Variants in TTC28 observed in about 807,000 individuals in gnomAD.
The protein encoded by TTC28 is tetratricopeptide repeat protein 28.
TTC28 carries 61 observed loss-of-function variants against 198.0 expected under a neutral mutation model. That is an observed-to-expected ratio of 0.31 (90% CI 0.25 to 0.38). TTC28 has a LOEUF of 0.38. Ranked by LOEUF, TTC28 falls within the 10% of genes least tolerant of loss-of-function variation. The probability of loss-of-function intolerance (pLI) is 1.00; values close to 1 mark genes in which losing one functional copy is unlikely to be tolerated. For missense variants in TTC28, 2,678 were observed against 3,164.0 expected (o/e 0.85, Z 3.69); for synonymous variants, 1,171 against 1,297.8 (o/e 0.90, Z 2.10).
chr22:28,587,900 G>A (rs944295547), intron 2 of TTC28, among the ~76,000 whole-genome samples: 3 of 151,978 alleles, frequency 2.0e-5, no homozygotes, highest in Non-Finnish European at 4.4e-5. Flanking sequence ...CTAGCACTTT[G>A]GGAGACCAAG....
intron 2 of TTC28, among the ~76,000 whole-genome samples, chr22:28,610,614 GA>G (rs1394071427): frequency 6.6e-6 from 1 of 152,132 alleles, no homozygotes; most frequent in African/African-American, 2.4e-5. Context: ...AAGATGGGGA[GA>G]AACCAGCACA....
At chr22:28,539,622 T>G in intron 2 of TTC28, among the ~76,000 whole-genome samples, 1 of 146,954 alleles carries the variant, frequency 6.8e-6, no homozygotes, top group Non-Finnish European at 1.5e-5. Context: ...GGCAACAGAG[T>G]GAGACACTGT....
At chr22:28,057,140 A>G (rs1269023862) in intron 12 of TTC28, among the ~76,000 whole-genome samples, 1 of 152,168 alleles carries the variant, frequency 6.6e-6, no homozygotes, top group Non-Finnish European at 1.5e-5. Context: ...ATTTTCATTT[A>G]TCTTGGGTAA....
At chr22:28,014,222 GC>G in intron 14 of TTC28, 25 bp downstream of exon 14, 1 of 1,542,362 alleles carries the variant, frequency 6.5e-7, no homozygotes. Context: ...ATGCGGAGGA[GC>G]CTTGTGCCCC....
chr22:28,585,827 T>C (rs2050306513), intron 2 of TTC28, among the ~76,000 whole-genome samples: 1 of 151,930 alleles, frequency 6.6e-6, no homozygotes, highest in South Asian at 2.1e-4. Flanking sequence ...AAAGAATCTG[T>C]AGAAAGATGG....
chr22:28,537,544 A>C (rs925181871), intron 2 of TTC28, among the ~76,000 whole-genome samples: 1 of 152,034 alleles, frequency 6.6e-6, no homozygotes, highest in Non-Finnish European at 1.5e-5. Flanking sequence ...AAACATTTTT[A>C]AATCTTGGAG....
At chr22:28,240,614 C>T (rs1929593572) in intron 5 of TTC28, among the ~76,000 whole-genome samples, 1 of 152,138 alleles carries the variant, frequency 6.6e-6, no homozygotes, top group African/African-American at 2.4e-5. Flanking sequence ...ATTGATACCT[C>T]ATTAGAAATT....
In TTC28 at chr22:28,108,232, C is replaced by T. The variant is rs1370140102; in HGVS notation, c.1613G>A (p.Arg538Gln). Residue 538 changes from arginine to glutamine, a missense_variant, in exon 7 of 23, where the codon CGG becomes CAG. Coordinates refer to ENST00000397906, the MANE Select transcript of TTC28 (RefSeq NM_001145418.2). ...TTCCATGGAGATCTGCAGCTCCTGC[C>T]GATGGTATTTGACCGCCTGGTCGTA... ...GMYDQAVKYH[R>Q]QELQISMEVN... 4.5e-6 allele frequency: 7 copies of T among 1,551,104 alleles called. No individual in the cohort carries two copies. In the East Asian group the frequency reaches 9.8e-5, roughly 22 times the overall value.
intron 2 of TTC28, among the ~76,000 whole-genome samples, chr22:28,368,463 G>C (rs2046281723): frequency 6.6e-6 from 1 of 152,022 alleles, no homozygotes; most frequent in Non-Finnish European, 1.5e-5. Flanking sequence ...AAAACTGAAA[G>C]CCTTTCCTCT....
intron 2 of TTC28, among the ~76,000 whole-genome samples, chr22:28,529,762 C>A (rs560175562): frequency 3.4e-4 from 52 of 152,330 alleles, no homozygotes; most frequent in Non-Finnish European, 1.9e-4. Context: ...TGCTGTTCTG[C>A]AGCCTCTCCT....
chr22:28,133,303 C>A (rs1459493754), intron 6 of TTC28, among the ~76,000 whole-genome samples: 2 of 152,184 alleles, frequency 1.3e-5, no homozygotes, highest in African/African-American at 4.8e-5. Flanking sequence ...GTGAGCAACA[C>A]AGAAGATGGG....
intron 2 of TTC28, among the ~76,000 whole-genome samples, chr22:28,392,965 C>T (rs911008483): frequency 1.3e-5 from 2 of 148,356 alleles, no homozygotes; most frequent in Non-Finnish European, 3.0e-5. Flanking sequence ...CAACCTCGAC[C>T]TCCTGGGCTT....
At chr22:27,995,337 C>T (rs1937533339) in intron 17 of TTC28, among the ~76,000 whole-genome samples, 1 of 152,200 alleles carries the variant, frequency 6.6e-6, no homozygotes, top group Non-Finnish European at 1.5e-5. Flanking sequence ...ACCCACGCTG[C>T]ATGGGCCCCA....
At chr22:28,546,480 A>G (rs2049545762) in intron 2 of TTC28, among the ~76,000 whole-genome samples, 1 of 152,152 alleles carries the variant, frequency 6.6e-6, no homozygotes, top group Non-Finnish European at 1.5e-5. Context: ...GAAGACTGTC[A>G]ACACCATGTG....
At chr22:28,661,072 G>A (rs1482738472) in intron 1 of TTC28, among the ~76,000 whole-genome samples, 1 of 151,714 alleles carries the variant, frequency 6.6e-6, no homozygotes, top group Non-Finnish European at 1.5e-5. Flanking sequence ...ATCACCTGAG[G>A]TCGGGAGTTC....
intron 6 of TTC28, among the ~76,000 whole-genome samples, chr22:28,120,415 T>G (rs1457527122): frequency 6.6e-6 from 1 of 152,194 alleles, no homozygotes; most frequent in Non-Finnish European, 1.5e-5. Context: ...TGGCTGGGTC[T>G]GCTTTTGAAG....
chr22:28,415,795 A>T (rs902907018), intron 2 of TTC28, among the ~76,000 whole-genome samples: 1 of 152,158 alleles, frequency 6.6e-6, no homozygotes, highest in Non-Finnish European at 1.5e-5. Context: ...TTATGCTACT[A>T]CAGTTGTACA....
chr22:28,156,907 G>C (rs1261669397), intron 6 of TTC28, among the ~76,000 whole-genome samples: 1 of 152,018 alleles, frequency 6.6e-6, no homozygotes, highest in Non-Finnish European at 1.5e-5. Context: ...TAGAAAGCAA[G>C]AGCAAACCAA....
At chr22:28,259,311 A>G (rs1931163548) in intron 5 of TTC28, among the ~76,000 whole-genome samples, 1 of 152,150 alleles carries the variant, frequency 6.6e-6, no homozygotes, top group African/African-American at 2.4e-5. Flanking sequence ...ATGAATAAAA[A>G]TGGATTTAAT....
Sources: gnomAD v4.1 joint callset for allele counts (sites outside exome capture counted in the v4.1 genomes callset) on GRCh38, gnomAD v4.1.1 for gene constraint, MANE v1.5 for transcripts, NCBI Gene and HGNC (gene_info 2026-07-23, HGNC 2026-07-21) for gene names.